The following PRSS38 variants were observed in gnomAD, a reference collection of about 807,000 sequenced individuals.
PRSS38 encodes the protein marapsin 2.
A neutral mutation model predicts 26.8 loss-of-function variants in PRSS38; 22 were observed. The ratio of observed to expected loss-of-function variants is 0.82; its 90% CI spans 0.59 to 1.17. PRSS38 has a LOEUF of 1.17. Ranked by LOEUF, PRSS38 falls within the 50% of genes most tolerant of loss-of-function variation. The pLI is 0.00. For synonymous variants in PRSS38, 175 were observed against 172.1 expected (o/e 1.02, Z -0.13); for missense variants, 427 against 422.7 (o/e 1.01, Z -0.09).
At chr1:227,834,970 G>T (rs1665218456) in intron 3 of PRSS38, among the ~76,000 whole-genome samples, 1 of 152,070 alleles carries the variant, frequency 6.6e-6, no homozygotes, top group East Asian at 1.9e-4. Flanking sequence ...AATATATAAA[G>T]AACTCCTACA....
rs186611415 is a variant in PRSS38, at chr1:227,816,989, C to G, written c.312-220C>G. Among the ~76,000 whole-genome samples the G allele has an allele frequency of 2.0e-5, 3 of 152,196 alleles. No individual in the cohort carries two copies. ...GCTGCTGGCCTGTACAGCTGGTGGT[C>G]GTGTACAGACTTGGGTCCCCAGAGC... On this transcript the variant is annotated intron_variant, in intron 2 of 4. Transcript: ENST00000366757. The surrounding 1 kb of genome is among the most constrained non-coding windows in gnomAD (Gnocchi z 5.1).
At chr1:227,836,118 A>G (rs1350453146) in intron 3 of PRSS38, among the ~76,000 whole-genome samples, 1 of 150,686 alleles carries the variant, frequency 6.6e-6, no homozygotes, top group African/African-American at 2.4e-5. Context: ...TTTTTTTTCG[A>G]GACAAGGTCT....
At chr1:227,845,957 G>A (rs767851725) in exon 5 of PRSS38, 13 of 1,613,952 alleles carry the variant, frequency 8.1e-6, no homozygotes, top group Admixed American at 6.7e-5. Flanking sequence ...TTTCTAGGGC[G>A]ACTCCGGGGG....
chr1:227,834,054 A>T (rs967075623), intron 3 of PRSS38, among the ~76,000 whole-genome samples: 6 of 152,204 alleles, frequency 3.9e-5, no homozygotes, highest in African/African-American at 1.4e-4. Flanking sequence ...TGGAGTGTGC[A>T]TGTGATGACA....
At position 227,816,196 on chromosome 1, in the gene PRSS38, C is replaced by T. The variant is rs776866422; in HGVS notation, c.255C>T (p.Cys85=). ...TGCACTACGCAGGCCTCCACGTCTGCGGCGGCTCCATCCTCAATGAGTACT... is the reference window on the plus strand; with the variant it reads ...TGCACTACGCAGGCCTCCACGTCTGTGGCGGCTCCATCCTCAATGAGTACT... Residue 85 remains cysteine (C), a synonymous_variant, in exon 2 of 5, where the codon TGC becomes TGT. Transcript: ENST00000366757. This position sits in a 1 kb window ranked among gnomAD's most constrained non-coding sequence, Gnocchi z 5.1. 31 of 1,613,542 alleles carry T rather than the reference C, an allele frequency of 1.9e-5. No homozygotes were observed. Among genetic ancestry groups the T allele is most frequent in the African/African-American group, 6.7e-5 (5 of 74,908 alleles).
At chr1:227,845,334 T>C in intron 3 of PRSS38, 136 bp from the exon 4 acceptor site, 1 of 626,558 alleles carries the variant, frequency 1.6e-6, no homozygotes, top group Non-Finnish European at 2.8e-6. Context: ...CATCCCTATG[T>C]GTCATCAGGG....
exon 3 of PRSS38, chr1:227,817,285 T>C (rs1273369552): frequency 1.2e-6 from 2 of 1,614,092 alleles, no homozygotes; most frequent in Admixed American, 1.7e-5. Context: ...CACCCAGTGG[T>C]ATGAGGTGAA....
chr1:227,835,468 G>A (rs1454312327), intron 3 of PRSS38, among the ~76,000 whole-genome samples: 1 of 152,088 alleles, frequency 6.6e-6, no homozygotes, highest in African/African-American at 2.4e-5. Flanking sequence ...TCCACTCCTA[G>A]GTATGTACTC....
At chr1:227,817,501 T>C (rs1664941195) in intron 3 of PRSS38, 21 bp downstream of exon 3, 3 of 1,606,060 alleles carry the variant, frequency 1.9e-6, no homozygotes, top group South Asian at 1.1e-5. Flanking sequence ...AGTGCAGGGC[T>C]TTGTGGGCAG....
intron 3 of PRSS38, among the ~76,000 whole-genome samples, chr1:227,819,876 G>A (rs991530235): frequency 2.0e-5 from 3 of 152,148 alleles, no homozygotes; most frequent in South Asian, 4.2e-4. Context: ...GGTTCACAAG[G>A]TCAAGAGATT....
At chr1:227,836,119 G>T (rs1283444834) in intron 3 of PRSS38, among the ~76,000 whole-genome samples, 2 of 150,758 alleles carry the variant, frequency 1.3e-5, no homozygotes, top group Non-Finnish European at 3.0e-5. Flanking sequence ...TTTTTTTCGA[G>T]ACAAGGTCTT....
At chr1:227,817,392 C>T (rs767059604) in exon 3 of PRSS38, 22 of 1,614,030 alleles carry the variant, frequency 1.4e-5, no homozygotes, top group South Asian at 1.2e-4. Flanking sequence ...TTTCTGAGTC[C>T]GTGCTCCCGG....
intron 3 of PRSS38, among the ~76,000 whole-genome samples, chr1:227,839,246 A>C (rs960993483): frequency 6.6e-6 from 1 of 152,128 alleles, no homozygotes; most frequent in Non-Finnish European, 1.5e-5. Flanking sequence ...GATTGCTTGA[A>C]GCTGGGAGTT....
At chr1:227,819,364 G>A (rs1242941885) in intron 3 of PRSS38, among the ~76,000 whole-genome samples, 2 of 152,150 alleles carry the variant, frequency 1.3e-5, no homozygotes, top group African/African-American at 4.8e-5. Context: ...ATAAATTGAA[G>A]ATTATAGCTT....
chr1:227,831,805 T>C (rs1293943879), intron 3 of PRSS38, among the ~76,000 whole-genome samples: 6 of 152,022 alleles, frequency 3.9e-5, no homozygotes, highest in African/African-American at 1.5e-4. Context: ...TGAGCCAAGA[T>C]TACACCACTG....
exon 1 of PRSS38, chr1:227,815,828 C>T: frequency 6.2e-7 from 1 of 1,611,546 alleles, no homozygotes; most frequent in Non-Finnish European, 8.5e-7. Flanking sequence ...CCACAGACAG[C>T]CAGAGAACCA....
chr1:227,833,213 A>G (rs930149630), intron 3 of PRSS38, among the ~76,000 whole-genome samples: 2 of 152,158 alleles, frequency 1.3e-5, no homozygotes, highest in Non-Finnish European at 2.9e-5. Flanking sequence ...AGAGGCCACA[A>G]ATAGCTAAAA....
chr1:227,836,967 C>T (rs1665245679), intron 3 of PRSS38, among the ~76,000 whole-genome samples: 1 of 151,936 alleles, frequency 6.6e-6, no homozygotes, highest in South Asian at 2.1e-4. Flanking sequence ...TGTAGACAAA[C>T]ATTTTATTTA....
In PRSS38 at chr1:227,845,059, TCCTC is replaced by T. The variant is rs1665402712; in HGVS notation, c.584-407_584-404del. Among the ~76,000 whole-genome samples the T allele has an allele frequency of 6.3e-5, 9 of 143,616 alleles. No homozygotes were observed. In the South Asian group the frequency reaches 2.0e-3, roughly 33 times the overall value. The allele number at this position is 143,616 out of a possible 152,430, so 94.2% of individuals were successfully genotyped here. ...GGCTCTTCCCTATGTGTGGTGGAGC[TCCTC>T]CCTATGTTTAGTGGGGTGCCTCCCT... On this transcript the variant is annotated intron_variant, in intron 3 of 4. Transcript: ENST00000366757.
Sources: allele counts gnomAD v4.1 joint callset (sites outside exome capture counted in the v4.1 genomes callset), GRCh38; gene constraint gnomAD v4.1.1; non-coding constraint Gnocchi (gnomAD v3.1); transcripts MANE v1.5; gene names NCBI Gene and HGNC (gene_info 2026-07-23, HGNC 2026-07-21).